The following NCALD variants were observed in gnomAD, a reference collection of about 807,000 sequenced individuals.
NCALD encodes the protein neurocalcin delta.
In NCALD, 10 loss-of-function variants were observed where a neutral mutation model predicts 18.6. That is an observed-to-expected ratio of 0.54 (90% CI 0.33 to 0.91). The LOEUF (loss-of-function observed/expected upper bound fraction) is 0.91. Among genes scored for constraint, NCALD ranks in the 40% least tolerant of loss-of-function variants. NCALD has a pLI of 0.03. For missense variants in NCALD, 184 were observed against 247.6 expected, an observed-to-expected ratio of 0.74 and a Z score of 1.72; for synonymous variants, 88 against 87.4, an observed-to-expected ratio of 1.01 and a Z score of -0.04.
chr8:101,794,671 AAATCATTTACTATAAT>A (rs1438947433), upstream of NCALD, among the ~76,000 whole-genome samples: 13 of 152,186 alleles, frequency 8.5e-5, no homozygotes, highest in Non-Finnish European at 1.6e-4. Context: ...TACATTTATT[AAATCATTTACTATAAT>A]AATCCTATGA....
upstream of NCALD, among the ~76,000 whole-genome samples, chr8:101,794,048 C>T (rs951866302): frequency 3.3e-5 from 5 of 152,196 alleles, no homozygotes; most frequent in African/African-American, 7.2e-5. Flanking sequence ...CTTTTTATGG[C>T]TGGACCTTGA....
chr8:101,881,068 C>T (rs1266324150), intron 4 of NCALD, among the ~76,000 whole-genome samples: 1 of 152,086 alleles, frequency 6.6e-6, no homozygotes, highest in Non-Finnish European at 1.5e-5. Context: ...ACATGTGACA[C>T]TTTAAGGCAG....
intron 3 of NCALD, 110 bp downstream of exon 3, chr8:101,692,681 A>C (rs1814783677): frequency 7.1e-7 from 1 of 1,400,312 alleles, no homozygotes; most frequent in Non-Finnish European, 9.7e-7. Flanking sequence ...GGAGGCTTGG[A>C]GGATGAGCCG....
At chr8:101,834,447 A>G (rs1174357592) in intron 4 of NCALD, among the ~76,000 whole-genome samples, 7 of 152,226 alleles carry the variant, frequency 4.6e-5, no homozygotes, top group Admixed American at 4.6e-4. Context: ...AGGTGTGGCT[A>G]GGCCACCGGA....
chr8:101,969,316 A>T (rs1219115708), intron 2 of NCALD, among the ~76,000 whole-genome samples: 3 of 152,198 alleles, frequency 2.0e-5, no homozygotes, highest in Non-Finnish European at 4.4e-5. Flanking sequence ...TGGTGAATTC[A>T]CTACTCAGAA....
chr8:101,690,255 T>G (rs1228103045), intron 3 of NCALD: 1 of 985,266 alleles, frequency 1.0e-6, no homozygotes, highest in Non-Finnish European at 1.2e-6. Flanking sequence ...TTCCTGGTGC[T>G]TCCAGAAGGA....
At chr8:101,968,291 A>C (rs1261884874) in intron 2 of NCALD, among the ~76,000 whole-genome samples, 4 of 152,178 alleles carry the variant, frequency 2.6e-5, no homozygotes, top group Non-Finnish European at 5.9e-5. Context: ...GGCCAACTTT[A>C]AAGGGCAGTT....
intron 1 of NCALD, among the ~76,000 whole-genome samples, chr8:101,782,883 C>CCCACTGGCCA (rs1812074619): frequency 1.3e-5 from 2 of 152,212 alleles, no homozygotes; most frequent in African/African-American, 2.4e-5. Context: ...GTGTGGAAGA[C>CCCACTGGCCA]GTAGCTCTGG....
At chr8:101,952,577 A>G (rs1012662261) in intron 2 of NCALD, among the ~76,000 whole-genome samples, 1 of 152,206 alleles carries the variant, frequency 6.6e-6, no homozygotes, top group Non-Finnish European at 1.5e-5. Context: ...ATCTCTGGTC[A>G]CAGCTGAGAG....
chr8:102,098,036 A>T (rs1825159849), intron 1 of NCALD, among the ~76,000 whole-genome samples: 1 of 152,248 alleles, frequency 6.6e-6, no homozygotes, highest in South Asian at 2.1e-4. Flanking sequence ...GGCATGTGGC[A>T]TGAGGCAGTA....
intron 2 of NCALD, among the ~76,000 whole-genome samples, chr8:101,953,767 G>A (rs561884975): frequency 6.6e-6 from 1 of 152,396 alleles, no homozygotes; most frequent in African/African-American, 2.4e-5. Context: ...AATTGTGACT[G>A]CGTCACCTTT....
At chr8:102,104,282 A>C (rs1295962434) in intron 1 of NCALD, among the ~76,000 whole-genome samples, 3 of 152,194 alleles carry the variant, frequency 2.0e-5, no homozygotes, top group African/African-American at 7.2e-5. Context: ...GGCACTGTGA[A>C]GGTTTACACA....
chr8:101,831,829 C>T (rs1269916873), intron 4 of NCALD, among the ~76,000 whole-genome samples: 2 of 152,180 alleles, frequency 1.3e-5, no homozygotes, highest in Non-Finnish European at 2.9e-5. Flanking sequence ...GGTGAGGCCA[C>T]AGGAACCCTA....
intron 3 of NCALD, among the ~76,000 whole-genome samples, chr8:101,898,428 G>A (rs866432082): frequency 4.6e-5 from 7 of 151,888 alleles, no homozygotes; most frequent in Admixed American, 6.6e-5. Context: ...ATCTAGGTAC[G>A]TGTTTTGCAA....
At chr8:101,712,698 G>T (rs970350147) in intron 2 of NCALD, among the ~76,000 whole-genome samples, 9 of 151,894 alleles carry the variant, frequency 5.9e-5, no homozygotes, top group Non-Finnish European at 1.2e-4. Flanking sequence ...TTACATAATG[G>T]TAAAGGGATC....
intron 3 of NCALD, among the ~76,000 whole-genome samples, chr8:101,892,550 C>T (rs931019629): frequency 3.4e-5 from 5 of 148,892 alleles, no homozygotes; most frequent in Admixed American, 6.6e-5. Flanking sequence ...AGGCTTCAGA[C>T]GATCAAACTA....
rs543543822 is a variant in NCALD at position 101,797,928 on chromosome 8, T to A, written c.-19-78280A>T. On this transcript the variant is annotated intron_variant, in intron 4 of 6. Transcript: ENST00000311028. ...AGACCCATGGGACTATAAAAAAAAATCTTTTATGTCTTCAAAGTCCTAGAA... is the reference window on the plus strand; with the variant it reads ...AGACCCATGGGACTATAAAAAAAAAACTTTTATGTCTTCAAAGTCCTAGAA... Among the ~76,000 whole-genome samples, 105 of 151,212 alleles carry A rather than the reference T, an allele frequency of 6.9e-4. 1 individual carries two copies. The East Asian group carries it at 7.0e-3, about 10-fold the overall frequency.
chr8:102,119,773 C>T (rs572556960), intron 1 of NCALD, among the ~76,000 whole-genome samples: 1 of 152,312 alleles, frequency 6.6e-6, no homozygotes, highest in African/African-American at 2.4e-5. Context: ...ATGTCTTGCA[C>T]TTTCACATTA....
At chr8:101,736,934 A>C (rs1809947179) in intron 1 of NCALD, among the ~76,000 whole-genome samples, 1 of 152,246 alleles carries the variant, frequency 6.6e-6, no homozygotes. Context: ...GATTGAGTGC[A>C]TTAATTCTTT....
Sources: gnomAD v4.1 joint callset for allele counts (sites outside exome capture counted in the v4.1 genomes callset) on GRCh38, gnomAD v4.1.1 for gene constraint, MANE v1.5 for transcripts, NCBI Gene and HGNC (gene_info 2026-07-23, HGNC 2026-07-21) for gene names.